WEE1: variants seen among roughly 807,000 people sequenced by gnomAD.
The protein encoded by WEE1 is wee1-like protein kinase.
A neutral mutation model predicts 68.8 loss-of-function variants in WEE1; 16 were observed. The ratio of observed to expected loss-of-function variants is 0.23; its 90% confidence interval spans 0.16 to 0.35. The LOEUF (loss-of-function observed/expected upper bound fraction) is 0.35. Among genes scored for constraint, WEE1 ranks in the 10% least tolerant of loss-of-function variants. WEE1 has a pLI of 1.00. For missense variants in WEE1, 651 were observed against 824.1 expected, an observed-to-expected ratio of 0.79 and a Z score of 2.57; for synonymous variants, 349 against 318.7, an observed-to-expected ratio of 1.09 and a Z score of -1.01.
chr11:9,574,174 C>T lies in WEE1; in HGVS notation c.241C>T (p.Pro81Ser), dbSNP rs770269668. The T allele has an allele frequency of 1.5e-5, 18 of 1,179,896 alleles. No homozygotes were observed. Among genetic ancestry groups the T allele is most frequent in the East Asian group, 3.8e-5 (1 of 26,110 alleles). 73.1% of individuals were successfully genotyped at this position (1,179,896 alleles called of 1,614,324 possible). The change falls in exon 1 of 11, where the codon CCG (proline) becomes TCG (serine). Residue 81 changes from proline to serine, a missense_variant. Pro to Ser is a moderately conservative substitution (Grantham distance 74). Around this residue, in one of 5 missense-constraint regions of WEE1, gnomAD observed 395 missense variants for 378.4 expected, o/e 1.04. Transcript: ENST00000450114. This position sits in a 1 kb window ranked among gnomAD's most constrained non-coding sequence, Gnocchi z 4.9. The part of the protein sequence containing the change: ...PGPERRRSPG[P>S]APGSPGELEE... ...GCCCGAGCGCCGCCGCTCGCCCGGGCCGGCCCCCGGCAGCCCCGGCGAGCT... is the reference window on the plus strand; with the variant it reads ...GCCCGAGCGCCGCCGCTCGCCCGGGTCGGCCCCCGGCAGCCCCGGCGAGCT...
In WEE1 at chr11:9,574,012, T is replaced by A; in HGVS notation, c.79T>A (p.Phe27Ile). The A allele has an allele frequency of 7.8e-7, 1 of 1,285,742 alleles. No individual in the cohort carries two copies. The highest frequency in any genetic ancestry group is 9.8e-7 in the Non-Finnish European group (1 of 1,015,606). The allele number at this position is 1,285,742 out of a possible 1,614,324, so 79.6% of individuals were successfully genotyped here. ...CTGCACCTTGCGGCAGAAGCTGATCTTCTCGCCCTGCAGCGACTGTGAGGA... is the reference window on the plus strand; with the variant it reads ...CTGCACCTTGCGGCAGAAGCTGATCATCTCGCCCTGCAGCGACTGTGAGGA... ...AACTLRQKLI[F>I]SPCSDCEEEE... The change falls in exon 1 of 11, where the codon TTC becomes ATC. Residue 27 changes from phenylalanine (F) to isoleucine (I), a missense_variant. Around this residue, in one of 5 missense-constraint regions of WEE1, gnomAD observed 395 missense variants for 378.4 expected, o/e 1.04. Coordinates refer to ENST00000450114, the MANE Select transcript of WEE1 (RefSeq NM_003390.4). The surrounding 1 kb of genome is among the most constrained non-coding windows in gnomAD (Gnocchi z 4.9).
intron 5 of WEE1, 98 bp from the exon 6 acceptor site, chr11:9,581,432 TTC>T (rs1250360234): frequency 8.6e-7 from 1 of 1,166,684 alleles, no homozygotes; most frequent in African/African-American, 1.6e-5. Context: ...AAATAACACT[TTC>T]TTGGTTGAGA....
chr11:9,575,282 CACTTTTAAA>C, intron 1 of WEE1: 1 of 986,588 alleles, frequency 1.0e-6, no homozygotes, highest in Non-Finnish European at 1.2e-6. Context: ...CGCAGATGAC[CACTTTTAAA>C]ACTGCAGATT....
intron 8 of WEE1, among the ~76,000 whole-genome samples, chr11:9,585,859 C>G (rs1344016595): frequency 1.8e-4 from 27 of 152,140 alleles, no homozygotes; most frequent in Admixed American, 1.8e-3. Flanking sequence ...TCCTATAGAA[C>G]TATTCATATA....
rs370087517 is a variant in WEE1 at position 9,585,071 on chromosome 11, A to C, written c.1289-187A>C. On this transcript the variant is annotated intron_variant, in intron 6 of 10. Coordinates refer to ENST00000450114, the MANE Select transcript of WEE1 (RefSeq NM_003390.4). ...ACAGAGCACACTGTCTCAAAAAAAA[A>C]CAAAAAAAATTCCCAGCAACTATAA... 5.5e-5 allele frequency: 32 copies of C among 576,894 alleles called. No individual in the cohort carries two copies. The East Asian group carries it at 5.9e-4, about 11-fold the overall frequency. 35.7% of individuals were successfully genotyped at this position (576,894 alleles called of 1,614,324 possible).
At position 9,577,186 on chromosome 11, in the gene WEE1, A is replaced by G; in HGVS notation, c.1064A>G (p.Gln355Arg). 6.2e-7 allele frequency: 1 copy of G among 1,613,904 alleles called. No individual in the cohort carries two copies. The highest frequency in any genetic ancestry group is 8.5e-7 in the Non-Finnish European group (1 of 1,179,806). ...REVYAHAVLGQHSHVVRYFSA... is the reference protein window; with the variant it reads ...REVYAHAVLGRHSHVVRYFSA... ...GTATATGCTCATGCAGTGCTTGGAC[A>G]GCATTCTCATGTAGTTCGATATTTC... is the stretch of plus-strand genomic sequence containing the variant. The change falls in exon 5 of 11, where the codon CAG (glutamine) becomes CGG (arginine). Residue 355 changes from glutamine to arginine, a missense_variant. By Grantham distance (43) the Gln-to-Arg change is conservative. Around this residue, in one of 5 missense-constraint regions of WEE1, gnomAD observed 41 missense variants for 125.6 expected, o/e 0.33. Transcript: ENST00000450114.
At position 9,576,156 on chromosome 11, in the gene WEE1, C is replaced by A; in HGVS notation, c.782+63C>A. ...CCTAAGATTGGTTTGGTATACTTAT[C>A]AAAATTTAGTTCCTATTTAATGGCA... On this transcript the variant is annotated intron_variant, in intron 2 of 10. Transcript: ENST00000450114. The surrounding 1 kb of genome is among the most constrained non-coding windows in gnomAD (Gnocchi z 4.3). The A allele has an allele frequency of 6.2e-7, 1 of 1,606,066 alleles. No individual in the cohort carries two copies. Among genetic ancestry groups the A allele is most frequent in the South Asian group, 1.1e-5 (1 of 90,054 alleles).
At chr11:9,575,193 A>G (rs1849551440) in intron 1 of WEE1, 13 of 985,466 alleles carry the variant, frequency 1.3e-5, no homozygotes, top group African/African-American at 1.7e-5. Flanking sequence ...CCGTGTGATT[A>G]GGAACATCCT....
rs544177586 is a variant in WEE1 at position 9,574,479 on chromosome 11, G to C, written c.546G>C (p.Leu182=). 1.4e-3 allele frequency: 1,814 copies of C among 1,259,438 alleles called. 27 individuals carry two copies. The African/African-American group carries it at 0.025, about 18-fold the overall frequency. The allele number at this position is 1,259,438 out of a possible 1,614,324, so 78.0% of individuals were successfully genotyped here. ...CGCCACACAAGACCTTCCGCAAGCT[G>C]CGACTCTTCGACACCCCGCACACGC... ...GTPPHKTFRK[L]RLFDTPHTPK... The change falls in exon 1 of 11, where the codon CTG becomes CTC. Residue 182 remains leucine (L), a synonymous_variant. Coordinates refer to ENST00000450114, the MANE Select transcript of WEE1 (RefSeq NM_003390.4). The surrounding 1 kb of genome is among the most constrained non-coding windows in gnomAD (Gnocchi z 4.9).
chr11:9,575,393 T>A, intron 1 of WEE1: 1 of 993,990 alleles, frequency 1.0e-6, no homozygotes, highest in Non-Finnish European at 1.2e-6. Context: ...TGTTTTGTTT[T>A]CAATGTACTG....
rs1849533491 is a variant in WEE1 at position 9,573,967 on chromosome 11, C to T, written c.34C>T (p.Pro12Ser). ...CCTGAGCCGACAGCAGCCGCCGCCA[C>T]CCCGCCGCGCCGGGGCGGCCTGCAC... ...SFLSRQQPPP[P>S]RRAGAACTLR... The change falls in exon 1 of 11, where the codon CCC becomes TCC. Residue 12 changes from proline to serine, a missense_variant. By Grantham distance (74) the Pro-to-Ser change is moderately conservative. Transcript: ENST00000450114. The T allele has an allele frequency of 7.7e-7, 1 of 1,293,876 alleles. No homozygotes were observed. Among genetic ancestry groups the T allele is most frequent in the Non-Finnish European group, 9.8e-7 (1 of 1,020,492 alleles). 80.1% of individuals were successfully genotyped at this position (1,293,876 alleles called of 1,614,324 possible). A position where few individuals can be genotyped will look rare whatever the true frequency, so the allele number is the denominator to read the frequency against.
intron 6 of WEE1, among the ~76,000 whole-genome samples, chr11:9,583,877 G>T (rs756084040): frequency 2.7e-4 from 34 of 126,890 alleles, no homozygotes; most frequent in Non-Finnish European, 3.1e-4. Flanking sequence ...ACAGGGTCTT[G>T]CTCTGTTGCC....
intron 6 of WEE1, among the ~76,000 whole-genome samples, chr11:9,583,802 C>CACACAT (rs1295357946): frequency 3.4e-4 from 6 of 17,776 alleles, no homozygotes; most frequent in Admixed American, 7.2e-4. Context: ...CACACACACA[C>CACACAT]ATATATATAT....
rs992856976 is a variant in WEE1, at chr11:9,574,836, G to T, written c.576+327G>T. ...GCGGCACCGATAACGCGGTTCGCGA[G>T]GATGCTGGAGGGTGCCGGCCCGGCC... On this transcript the variant is annotated intron_variant, in intron 1 of 10. Transcript: ENST00000450114. This position sits in a 1 kb window ranked among gnomAD's most constrained non-coding sequence, Gnocchi z 4.9. 7 of 993,048 alleles carry T rather than the reference G, an allele frequency of 7.0e-6. No homozygotes were observed. The highest frequency in any genetic ancestry group is 8.4e-6 in the Non-Finnish European group (7 of 835,056). 61.5% of individuals were successfully genotyped at this position (993,048 alleles called of 1,614,324 possible). A position where few individuals can be genotyped will look rare whatever the true frequency, so the allele number is the denominator to read the frequency against.
Position 9,586,454 on chromosome 11 carries a change from T to C in WEE1, c.1476T>C (p.Tyr492=). ...AAATTGTTTTAATTTTACAGAATTA[T>C]ACCCATCTACCAAAAGCAGATATTT... ...FLANEVLQEN[Y]THLPKADIFA... The change falls in exon 9 of 11, where the codon TAT becomes TAC. Residue 492 remains tyrosine (Y), a synonymous_variant. Coordinates refer to ENST00000450114, the MANE Select transcript of WEE1 (RefSeq NM_003390.4). 1.2e-6 allele frequency: 2 copies of C among 1,612,266 alleles called. No homozygotes were observed. Among genetic ancestry groups the C allele is most frequent in the Non-Finnish European group, 1.7e-6 (2 of 1,179,206 alleles).
At chr11:9,575,210 G>C (rs981455608) in intron 1 of WEE1, 4 of 985,510 alleles carry the variant, frequency 4.1e-6, no homozygotes, top group Non-Finnish European at 4.8e-6. Context: ...TCCTACCGTA[G>C]ATAAGGTATC....
chr11:9,588,832 C>A lies in WEE1; in HGVS notation c.*230C>A. 8.9e-7 allele frequency: 1 copy of A among 1,117,696 alleles called. No homozygotes were observed. The highest frequency in any genetic ancestry group is 1.1e-6 in the Non-Finnish European group (1 of 912,740). The allele number at this position is 1,117,696 out of a possible 1,614,324, so 69.2% of individuals were successfully genotyped here. A position where few individuals can be genotyped will look rare whatever the true frequency, so the allele number is the denominator to read the frequency against. On this transcript the variant is annotated 3_prime_UTR_variant, in exon 11 of 11. Transcript: ENST00000450114. ...TAGGATGTGTCACTGTTGGATGTTA[C>A]ACCAGCCTTTCCAGGGTTAACCACT...
At chr11:9,585,950 T>C (rs2134356654) in intron 8 of WEE1, among the ~76,000 whole-genome samples, 1 of 152,354 alleles carries the variant, frequency 6.6e-6, no homozygotes, top group South Asian at 2.1e-4. Context: ...TAGTTATTAG[T>C]ATGGCCTATA....
At chr11:9,580,499 C>A (rs1458967791) in intron 5 of WEE1, 2 of 140,114 alleles carry the variant, frequency 1.4e-5, no homozygotes, top group African/African-American at 5.2e-5. Context: ...GAGTCTCACT[C>A]TGCCACCAGG....
Sources: allele counts gnomAD v4.1 joint callset (sites outside exome capture counted in the v4.1 genomes callset), GRCh38; gene constraint gnomAD v4.1.1; regional missense constraint gnomAD v4.1.1; non-coding constraint Gnocchi (gnomAD v3.1); transcripts MANE v1.5; gene names NCBI Gene and HGNC (gene_info 2026-07-23, HGNC 2026-07-21).